Variants in GREB1L observed in about 807,000 individuals in gnomAD.
GREB1L encodes the protein GREB1-like protein.
In GREB1L, 17 loss-of-function variants were observed where a neutral mutation model predicts 200.8. The observed-to-expected ratio is 0.08, with a 90% CI of 0.06 to 0.13. The LOEUF (loss-of-function observed/expected upper bound fraction) is 0.13, where lower values mean the gene tolerates loss of function less well. Among genes scored for constraint, GREB1L ranks in the 10% least tolerant of loss-of-function variants. The pLI is 1.00. For missense variants in GREB1L, 1,657 were observed against 2,367.7 expected, an observed-to-expected ratio of 0.70 and a Z score of 6.23; for synonymous variants, 789 against 893.0, an observed-to-expected ratio of 0.88 and a Z score of 2.08.
chr18:21,433,777 C>T (rs184111547), intron 7 of GREB1L, among the ~76,000 whole-genome samples: 2 of 152,304 alleles, frequency 1.3e-5, no homozygotes, highest in African/African-American at 4.8e-5. Context: ...TAGTAAGTAT[C>T]CTGTTCCTTA....
At chr18:21,269,737 CT>C (rs2038048938) in intron 1 of GREB1L, among the ~76,000 whole-genome samples, 1 of 152,060 alleles carries the variant, frequency 6.6e-6, no homozygotes, top group Non-Finnish European at 1.5e-5. Flanking sequence ...GTTATTAATA[CT>C]TTCAGGGCTT....
intron 7 of GREB1L, among the ~76,000 whole-genome samples, chr18:21,420,779 C>T (rs1335568183): frequency 6.6e-6 from 1 of 152,126 alleles, no homozygotes; most frequent in Non-Finnish European, 1.5e-5. Flanking sequence ...CCATTTTATT[C>T]CTAGGTGTTT....
chr18:21,431,930 T>C (rs2033184398), intron 7 of GREB1L, among the ~76,000 whole-genome samples: 1 of 140,508 alleles, frequency 7.1e-6, no homozygotes, highest in African/African-American at 2.6e-5. Context: ...TTTTTTTTTT[T>C]TTTTTTTTTT....
In GREB1L at chr18:21,523,148, A is replaced by T; in HGVS notation, c.*327A>T. The T allele has an allele frequency of 5.6e-6, 1 of 178,594 alleles. No individual in the cohort carries two copies. Among genetic ancestry groups the T allele is most frequent in the Non-Finnish European group, 1.2e-5 (1 of 85,634 alleles). 11.1% of individuals were successfully genotyped at this position (178,594 alleles called of 1,614,324 possible). On this transcript the variant is annotated 3_prime_UTR_variant, in exon 33 of 33. Transcript: ENST00000424526. The stretch of plus-strand genomic sequence containing the variant: ...GTTTGCATTATTTTTTTCTATTACT[A>T]TGTTAGGGGGAAACTGACTGTCAGG...
intron 1 of GREB1L, among the ~76,000 whole-genome samples, chr18:21,276,301 A>T (rs1322972539): frequency 3.3e-5 from 5 of 151,568 alleles, no homozygotes; most frequent in African/African-American, 1.2e-4. Flanking sequence ...TCAATACCTA[A>T]CTCTCCAACC....
At chr18:21,472,860 T>A (rs1265229008) in intron 15 of GREB1L, among the ~76,000 whole-genome samples, 171 bp from the exon 16 acceptor site, 1 of 152,184 alleles carries the variant, frequency 6.6e-6, no homozygotes, top group South Asian at 2.1e-4. Flanking sequence ...ATATCTGATA[T>A]TTCCTCCTCA....
chr18:21,352,955 G>A, intron 1 of GREB1L, among the ~76,000 whole-genome samples: 1 of 151,942 alleles, frequency 6.6e-6, no homozygotes, highest in East Asian at 1.9e-4. Flanking sequence ...GCCGAGGTGG[G>A]CGGATCATGA....
intron 12 of GREB1L, 54 bp from the exon 13 acceptor site, chr18:21,450,969 T>C: frequency 1.3e-6 from 2 of 1,517,972 alleles, no homozygotes; most frequent in South Asian, 2.5e-5. Context: ...TAAGTAATGT[T>C]CCAGCAACAT....
At chr18:21,293,284 G>GT (rs2038478485) in intron 1 of GREB1L, among the ~76,000 whole-genome samples, 2 of 152,184 alleles carry the variant, frequency 1.3e-5, no homozygotes, top group African/African-American at 4.8e-5. Context: ...TAAGGAGCAA[G>GT]TAGACTTGGC....
At chr18:21,388,387 A>G (rs2040631769) in intron 4 of GREB1L, among the ~76,000 whole-genome samples, 1 of 152,194 alleles carries the variant, frequency 6.6e-6, no homozygotes, top group East Asian at 1.9e-4. Context: ...TAATGAACCA[A>G]TATTGATACA....
rs147151717 is a variant in GREB1L at position 21,430,581 on chromosome 18, CTTTTTTTTTTTT to C, written c.833-8924_833-8913del. On this transcript the variant is annotated intron_variant, in intron 7 of 32. Coordinates refer to ENST00000424526, the MANE Select transcript of GREB1L (RefSeq NM_001142966.3). ...ACTCTTAAGGTGATTGATTTGGGAT[CTTTTTTTTTTTT>C]TTTTTTTTTTTTTTTAATTTGAGAC... is the stretch of plus-strand genomic sequence containing the variant. Among the ~76,000 whole-genome samples the C allele has an allele frequency of 1.0e-3, 60 of 60,218 alleles. 1 individual carries two copies. Among genetic ancestry groups the C allele is most frequent in the African/African-American group, 3.8e-3 (57 of 15,180 alleles). The allele number at this position is 60,218 out of a possible 152,430, so 39.5% of individuals were successfully genotyped here.
intron 7 of GREB1L, among the ~76,000 whole-genome samples, chr18:21,434,228 A>T (rs2033361817): frequency 6.6e-6 from 1 of 152,170 alleles, no homozygotes; most frequent in African/African-American, 2.4e-5. Flanking sequence ...TAATCCCAGC[A>T]CTTTGGGAGG....
At chr18:21,250,844 AT>A (rs2037690690) in intron 1 of GREB1L, among the ~76,000 whole-genome samples, 1 of 151,858 alleles carries the variant, frequency 6.6e-6, no homozygotes, top group Non-Finnish European at 1.5e-5. Context: ...TTTTTTTCTC[AT>A]GTTTTCTTTC....
At chr18:21,350,722 T>C (rs545093513) in intron 1 of GREB1L, among the ~76,000 whole-genome samples, 6 of 152,174 alleles carry the variant, frequency 3.9e-5, no homozygotes, top group African/African-American at 7.2e-5. Flanking sequence ...GCACAGACGA[T>C]AGGAAACAAC....
At chr18:21,522,000 T>A (rs2037609119) in intron 32 of GREB1L, among the ~76,000 whole-genome samples, 1 of 192 alleles carries the variant, frequency 5.2e-3, no homozygotes. Context: ...GAAGACTCCG[T>A]CTCCAAAAAA....
chr18:21,353,137 G>A (rs763422340), intron 1 of GREB1L, among the ~76,000 whole-genome samples: 1 of 149,628 alleles, frequency 6.7e-6, no homozygotes, highest in African/African-American at 2.5e-5. Flanking sequence ...AGCAGAGATC[G>A]CATCACTGCA....
At chr18:21,300,355 C>G (rs190664474) in intron 1 of GREB1L, among the ~76,000 whole-genome samples, 2 of 152,166 alleles carry the variant, frequency 1.3e-5, no homozygotes, top group Admixed American at 1.3e-4. Flanking sequence ...AGGAGTTTCA[C>G]TGTGGTGTAA....
At chr18:21,508,343 G>A in intron 26 of GREB1L, 44 bp from the exon 27 acceptor site, 1 of 1,549,680 alleles carries the variant, frequency 6.5e-7, no homozygotes, top group Non-Finnish European at 8.7e-7. Flanking sequence ...TCAATCTAGA[G>A]GCTTTAATTT....
intron 7 of GREB1L, among the ~76,000 whole-genome samples, chr18:21,431,279 T>A (rs938152108): frequency 1.3e-5 from 2 of 151,816 alleles, no homozygotes; most frequent in African/African-American, 4.8e-5. Flanking sequence ...CCTGCCTCGG[T>A]CTCCCAAAGT....
Sources: allele counts gnomAD v4.1 joint callset (sites outside exome capture counted in the v4.1 genomes callset), GRCh38; gene constraint gnomAD v4.1.1; transcripts MANE v1.5; gene names NCBI Gene and HGNC (gene_info 2026-07-23, HGNC 2026-07-21).